Variants in EFCAB6 observed in about 807,000 individuals in gnomAD.
The protein encoded by EFCAB6 is EF-hand calcium-binding domain-containing protein 6.
A neutral mutation model predicts 169.8 loss-of-function variants in EFCAB6; 156 were observed. The ratio of observed to expected loss-of-function variants is 0.92; its 90% CI spans 0.81 to 1.05. The LOEUF is 1.05. Among genes scored for constraint, EFCAB6 ranks in the 50% least tolerant of loss-of-function variants. EFCAB6 has a pLI of 0.00. For synonymous variants in EFCAB6, 698 were observed against 676.4 expected, an observed-to-expected ratio of 1.03 and a Z score of -0.50; for missense variants, 1,800 against 1,829.1, an observed-to-expected ratio of 0.98 and a Z score of 0.29.
chr22:43,687,097 G>A (rs2058224977), intron 11 of EFCAB6, among the ~76,000 whole-genome samples: 1 of 152,142 alleles, frequency 6.6e-6, no homozygotes, highest in Non-Finnish European at 1.5e-5. Context: ...ACAAATACAC[G>A]TTTACCTACA....
chr22:43,665,937 G>A (rs531787536), intron 17 of EFCAB6, among the ~76,000 whole-genome samples: 3 of 152,264 alleles, frequency 2.0e-5, no homozygotes, highest in East Asian at 1.9e-4. Flanking sequence ...ACAGGCGTGC[G>A]TGACCACACC....
chr22:43,600,823 C>T (rs1037971551), intron 22 of EFCAB6, among the ~76,000 whole-genome samples: 8 of 152,040 alleles, frequency 5.3e-5, no homozygotes, highest in East Asian at 1.9e-4. Flanking sequence ...CCACCATGCC[C>T]GGCTAATGTT....
At chr22:43,706,913 G>A (rs2058980500) in intron 10 of EFCAB6, among the ~76,000 whole-genome samples, 1 of 152,198 alleles carries the variant, frequency 6.6e-6, no homozygotes, top group South Asian at 2.1e-4. Flanking sequence ...TAAAAAGACT[G>A]GAATAAATCT....
chr22:43,663,487 C>A (rs1244149092), intron 17 of EFCAB6, among the ~76,000 whole-genome samples: 1 of 152,128 alleles, frequency 6.6e-6, no homozygotes, highest in African/African-American at 2.4e-5. Flanking sequence ...AAGTGCAAAC[C>A]CAGGTCCATA....
intron 2 of EFCAB6, among the ~76,000 whole-genome samples, chr22:43,807,120 T>C (rs2062950875): frequency 6.6e-6 from 1 of 152,204 alleles, no homozygotes; most frequent in South Asian, 2.1e-4. Context: ...TGGCATAGCA[T>C]GCAGTAAGCA....
intron 20 of EFCAB6, among the ~76,000 whole-genome samples, chr22:43,624,634 C>A (rs1018946731): frequency 2.6e-5 from 4 of 152,222 alleles, no homozygotes; most frequent in African/African-American, 9.6e-5. Flanking sequence ...AAACGTCCCT[C>A]CTTTTCCTGA....
At chr22:43,681,938 G>C (rs1409987321) in intron 12 of EFCAB6, among the ~76,000 whole-genome samples, 1 of 152,196 alleles carries the variant, frequency 6.6e-6, no homozygotes, top group African/African-American at 2.4e-5. Context: ...GCAGCATCTG[G>C]AGGCAGCACA....
chr22:43,591,203 A>G (rs1246869558), intron 23 of EFCAB6, among the ~76,000 whole-genome samples: 2 of 150,666 alleles, frequency 1.3e-5, no homozygotes, highest in Non-Finnish European at 3.0e-5. Flanking sequence ...CACGCCCACA[A>G]TCCCAACACT....
At chr22:43,586,713 A>C (rs2051098378) in intron 24 of EFCAB6, among the ~76,000 whole-genome samples, 1 of 152,118 alleles carries the variant, frequency 6.6e-6, no homozygotes, top group African/African-American at 2.4e-5. Context: ...AGTTTTAAAA[A>C]GGTTTAAAAC....
At chr22:43,777,270 CG>C (rs1191010821) in intron 3 of EFCAB6, among the ~76,000 whole-genome samples, 1 of 152,122 alleles carries the variant, frequency 6.6e-6, no homozygotes, top group African/African-American at 2.4e-5. Context: ...ATGCGGTGCA[CG>C]CAGAAAGGTC....
At chr22:43,757,112 T>C (rs1194279045) in intron 5 of EFCAB6, among the ~76,000 whole-genome samples, 7 of 152,102 alleles carry the variant, frequency 4.6e-5, no homozygotes, top group African/African-American at 1.7e-4. Context: ...GGAAACTGAG[T>C]CTCAGAGGGG....
rs147536610 is a variant in EFCAB6, at chr22:43,538,832, C to T, written c.3880-1287G>A. On this transcript the variant is annotated intron_variant, in intron 28 of 31. Transcript: ENST00000262726. ...TCCTACTGCTGCTGTAACAGATTTC[C>T]GTGAATTTAGTGGCTTAAAACAACA... is the stretch of plus-strand genomic sequence containing the variant. 5.8e-4 allele frequency among the ~76,000 whole-genome samples: 88 copies of T among 152,176 alleles called. 3 individuals carry two copies. The East Asian group carries it at 0.017, about 29-fold the overall frequency.
intron 4 of EFCAB6, among the ~76,000 whole-genome samples, chr22:43,767,856 A>T (rs1388291528): frequency 6.6e-6 from 1 of 152,204 alleles, no homozygotes; most frequent in African/African-American, 2.4e-5. Flanking sequence ...TTAGACAAGT[A>T]AAGAATCTAG....
At position 43,537,099 on chromosome 22, in the gene EFCAB6, C is replaced by T. The variant is rs2047427677; in HGVS notation, c.4048+278G>A. ...GAGTCTGTGAACATTCACACTCTGC[C>T]CAGGGTGGCAACCACTGTGATTTCT... On this transcript the variant is annotated intron_variant, in intron 29 of 31. Coordinates refer to ENST00000262726, the MANE Select transcript of EFCAB6 (RefSeq NM_022785.4). This position sits in a 1 kb window ranked among gnomAD's most constrained non-coding sequence, Gnocchi z 4.3. 1 of 323,658 alleles carries T rather than the reference C, an allele frequency of 3.1e-6. No individual in the cohort carries two copies. The allele number at this position is 323,658 out of a possible 1,614,324, so 20.0% of individuals were successfully genotyped here.
intron 30 of EFCAB6, chr22:43,533,446 G>C (rs1157706247): frequency 6.6e-6 from 1 of 152,176 alleles, no homozygotes; most frequent in Admixed American, 6.5e-5. Flanking sequence ...ACCATAACCA[G>C]GTGTCTGCCA....
Position 43,608,563 on chromosome 22 carries a change from A to G in EFCAB6, c.2600T>C (p.Leu867Pro), listed in dbSNP as rs778453523. The change falls in exon 22 of 32, where the codon CTT (leucine) becomes CCT (proline). Residue 867 changes from leucine (L) to proline (P), a missense_variant. Transcript: ENST00000262726. ...TGCGTTCTTTATGTCCCGGCGTCGA[A>G]GAATGCCATTGCCCTCATTATCGGT... is the stretch of plus-strand genomic sequence containing the variant. ...LETDNEGNGI[L>P]RRRDIKNALY... 1 of 1,614,222 alleles carries G rather than the reference A, an allele frequency of 6.2e-7. No homozygotes were observed. Among genetic ancestry groups the G allele is most frequent in the Non-Finnish European group, 8.5e-7 (1 of 1,180,044 alleles).
At chr22:43,765,660 C>A (rs924053367) in intron 4 of EFCAB6, among the ~76,000 whole-genome samples, 1 of 151,906 alleles carries the variant, frequency 6.6e-6, no homozygotes, top group Admixed American at 6.6e-5. Context: ...TATTTAAAAT[C>A]GCCTAAAAAA....
chr22:43,731,716 T>C lies in EFCAB6; in HGVS notation c.740A>G (p.Tyr247Cys). The C allele has an allele frequency of 1.4e-5, 22 of 1,588,704 alleles. No homozygotes were observed. Among genetic ancestry groups the C allele is most frequent in the Non-Finnish European group, 1.9e-5 (22 of 1,169,694 alleles). Residue 247 changes from tyrosine (Y) to cysteine (C), a missense_variant, in exon 8 of 32, where the codon TAT (tyrosine) becomes TGT (cysteine). Transcript: ENST00000262726. ...ATACTTACCTTGATTTCCCATACAA[T>C]ATCTAAGGTTCAAGTCGTTATTTAT... ...LSINNDLNLR[Y>C]CMGNQEVSLE...
intron 20 of EFCAB6, among the ~76,000 whole-genome samples, chr22:43,616,304 A>T (rs1019294829): frequency 1.3e-5 from 2 of 152,244 alleles, no homozygotes; most frequent in Non-Finnish European, 2.9e-5. Context: ...GACTACAGGA[A>T]ATGGTTGAGA....
Sources: allele counts gnomAD v4.1 joint callset (sites outside exome capture counted in the v4.1 genomes callset), GRCh38; gene constraint gnomAD v4.1.1; non-coding constraint Gnocchi (gnomAD v3.1); transcripts MANE v1.5; gene names NCBI Gene and HGNC (gene_info 2026-07-23, HGNC 2026-07-21).